Variants in FAM135B observed in about 807,000 individuals in gnomAD.
The protein encoded by FAM135B is protein FAM135B.
FAM135B carries 43 observed loss-of-function variants against 127.7 expected under a neutral mutation model. The observed-to-expected ratio is 0.34, with a 90% CI of 0.26 to 0.43. The LOEUF (loss-of-function observed/expected upper bound fraction) is 0.43, where lower values mean the gene tolerates loss of function less well. Ranked by LOEUF, FAM135B falls within the 20% of genes least tolerant of loss-of-function variation. The pLI is 1.00. For missense variants in FAM135B, 1,558 were observed against 1,725.6 expected (o/e 0.90, Z 1.72); for synonymous variants, 670 against 665.1 (o/e 1.01, Z -0.11).
intron 1 of FAM135B, among the ~76,000 whole-genome samples, chr8:138,368,484 T>C (rs545363952): frequency 3.9e-5 from 6 of 152,224 alleles, no homozygotes; most frequent in East Asian, 1.9e-4. Flanking sequence ...ATATGCCACA[T>C]TGAGCACTCT....
chr8:138,322,784 G>A (rs1192289606), intron 2 of FAM135B, among the ~76,000 whole-genome samples: 2 of 152,088 alleles, frequency 1.3e-5, no homozygotes. Flanking sequence ...TTGCCAGCAG[G>A]ACACCTGGCA....
chr8:138,376,701 T>A (rs971587082), intron 1 of FAM135B, among the ~76,000 whole-genome samples: 1 of 152,212 alleles, frequency 6.6e-6, no homozygotes, highest in Non-Finnish European at 1.5e-5. Context: ...ACGGAGAACA[T>A]CAATGCATTA....
At position 138,367,980 on chromosome 8, in the gene FAM135B, A is replaced by G; in HGVS notation, c.4T>C (p.Ser2Pro). M[S>P]EIQGTVEFSV... ...AACTCAACCGTTCCTTGTATTTCAG[A>G]CATGATCTTTTTGGCTCATTACCTG... is the stretch of plus-strand genomic sequence containing the variant. The change falls in exon 2 of 20, where the codon TCT (serine) becomes CCT (proline). Residue 2 changes from serine (S) to proline (P), a missense_variant. Ser to Pro is a moderately conservative substitution (Grantham distance 74, BLOSUM62 -1). This residue lies in a region of FAM135B where 199 missense variants were observed against 245.7 expected (regional missense o/e 0.81). Transcript: ENST00000395297. 1 of 1,613,658 alleles carries G rather than the reference A, an allele frequency of 6.2e-7. No individual in the cohort carries two copies. The highest frequency in any genetic ancestry group is 8.5e-7 in the Non-Finnish European group (1 of 1,179,728).
At chr8:138,233,089 T>C (rs1820021232) in intron 7 of FAM135B, among the ~76,000 whole-genome samples, 2 of 152,184 alleles carry the variant, frequency 1.3e-5, no homozygotes. Context: ...CTAAAATTCA[T>C]ATGGAATTAC....
intron 6 of FAM135B, among the ~76,000 whole-genome samples, chr8:138,244,029 G>A (rs900412106): frequency 6.6e-6 from 1 of 152,010 alleles, no homozygotes; most frequent in African/African-American, 2.4e-5. Flanking sequence ...TTTGTGGAAG[G>A]GCTTAATCCA....
At chr8:138,301,122 T>C (rs902648650) in intron 3 of FAM135B, among the ~76,000 whole-genome samples, 6 of 150,184 alleles carry the variant, frequency 4.0e-5, no homozygotes, top group African/African-American at 7.3e-5. Context: ...CAAATGCCCA[T>C]GGGATTCTGT....
At chr8:138,263,392 T>C (rs1358851886) in intron 4 of FAM135B, among the ~76,000 whole-genome samples, 1 of 152,020 alleles carries the variant, frequency 6.6e-6, no homozygotes, top group African/African-American at 2.4e-5. Context: ...GAAGCTCTCA[T>C]AGGCTGAACT....
At chr8:138,316,154 A>G (rs1465925389) in intron 2 of FAM135B, among the ~76,000 whole-genome samples, 1 of 152,268 alleles carries the variant, frequency 6.6e-6, no homozygotes, top group Non-Finnish European at 1.5e-5. Flanking sequence ...CTTTAAATAC[A>G]TACAATAAAA....
At chr8:138,205,894 A>G (rs1817514032) in intron 7 of FAM135B, among the ~76,000 whole-genome samples, 1 of 151,822 alleles carries the variant, frequency 6.6e-6, no homozygotes, top group African/African-American at 2.4e-5. Flanking sequence ...GGTCAAGGTC[A>G]TGTTCTGACC....
At chr8:138,334,856 G>A (rs554218222) in intron 2 of FAM135B, among the ~76,000 whole-genome samples, 20 of 152,154 alleles carry the variant, frequency 1.3e-4, no homozygotes, top group East Asian at 9.7e-4. Flanking sequence ...GTGAACATAC[G>A]CATACATGTG....
chr8:138,265,020 G>A (rs1822806871), intron 4 of FAM135B, among the ~76,000 whole-genome samples: 1 of 152,172 alleles, frequency 6.6e-6, no homozygotes, highest in Admixed American at 6.5e-5. Flanking sequence ...ATATTCCTTT[G>A]AAATTTGTTA....
intron 3 of FAM135B, chr8:138,309,178 C>G (rs113415174): frequency 3.3e-6 from 1 of 300,178 alleles, no homozygotes; most frequent in Non-Finnish European, 6.7e-6. Flanking sequence ...CTGGTTCACG[C>G]AGGGCAGGGT....
intron 1 of FAM135B, among the ~76,000 whole-genome samples, chr8:138,454,519 G>C (rs1836668042): frequency 6.6e-6 from 1 of 152,164 alleles, no homozygotes; most frequent in Admixed American, 6.6e-5. Context: ...AAGAAACTGA[G>C]GCCAAACATG....
At chr8:138,224,420 C>T (rs998202346) in intron 7 of FAM135B, among the ~76,000 whole-genome samples, 2 of 152,032 alleles carry the variant, frequency 1.3e-5, no homozygotes, top group Non-Finnish European at 2.9e-5. Context: ...TAGAGAGAAC[C>T]AAGACCAAAA....
intron 3 of FAM135B, among the ~76,000 whole-genome samples, chr8:138,307,778 A>G (rs944156455): frequency 6.6e-5 from 10 of 151,882 alleles, no homozygotes; most frequent in African/African-American, 2.2e-4. Flanking sequence ...CAAAACAGCC[A>G]AATGAAATCA....
chr8:138,424,739 G>A (rs1191931423), intron 1 of FAM135B, among the ~76,000 whole-genome samples: 1 of 152,126 alleles, frequency 6.6e-6, no homozygotes, highest in Non-Finnish European at 1.5e-5. Flanking sequence ...AGATTTTAGT[G>A]CCTCTACTTA....
chr8:138,358,389 G>C (rs548344878), intron 2 of FAM135B: 1 of 152,152 alleles, frequency 6.6e-6, no homozygotes, highest in Non-Finnish European at 1.5e-5. Context: ...CAGATCGACA[G>C]TCTGTTCTAG....
chr8:138,176,207 G>C (rs1157814628), intron 11 of FAM135B, among the ~76,000 whole-genome samples: 29 of 152,234 alleles, frequency 1.9e-4, no homozygotes, highest in Non-Finnish European at 2.9e-5. Context: ...AGTTGTCTTT[G>C]AGTCTGTCTC....
chr8:138,246,201 C>A (rs1821269682), intron 6 of FAM135B, among the ~76,000 whole-genome samples: 1 of 152,170 alleles, frequency 6.6e-6, no homozygotes, highest in Non-Finnish European at 1.5e-5. Flanking sequence ...TGGAAAGAAA[C>A]TCAAGCCTGC....
Sources: gnomAD v4.1 joint callset for allele counts (sites outside exome capture counted in the v4.1 genomes callset) on GRCh38, gnomAD v4.1.1 for gene constraint, gnomAD v4.1.1 regional missense constraint, MANE v1.5 for transcripts, NCBI Gene and HGNC (gene_info 2026-07-23, HGNC 2026-07-21) for gene names.